Variants in SERPINB7 observed in about 807,000 individuals in gnomAD.
The protein encoded by SERPINB7 is serpin family B member 7, also known as serpin B7.
SERPINB7 carries 31 observed loss-of-function variants against 37.4 expected under a neutral mutation model. The observed-to-expected ratio is 0.83, with a 90% CI of 0.62 to 1.12. The LOEUF is 1.12. Among genes scored for constraint, SERPINB7 ranks in the 50% most tolerant of loss-of-function variants. The pLI, the probability that SERPINB7 is intolerant of heterozygous loss-of-function variation, is 0.00. For missense variants in SERPINB7, 521 were observed against 455.3 expected (o/e 1.14, Z -1.31); for synonymous variants, 163 against 166.1 (o/e 0.98, Z 0.14).
In SERPINB7 at chr18:63,792,391, A is replaced by G. The variant is rs2049438110; in HGVS notation, c.169-2A>G. 4.4e-6 allele frequency: 7 copies of G among 1,596,698 alleles called. No homozygotes were observed. The highest frequency in any genetic ancestry group is 6.0e-6 in the Non-Finnish European group (7 of 1,164,388). On this transcript the variant is annotated splice_acceptor_variant, in intron 2 of 7. Coordinates refer to ENST00000398019, the MANE Select transcript of SERPINB7 (RefSeq NM_003784.4). LOFTEE classifies it high-confidence loss of function. ...ATTGCTTTCCTTGTGCCCTGTTTACAGTTGCTTCATGTTAACACTGCCTCA... is the reference window on the plus strand; with the variant it reads ...ATTGCTTTCCTTGTGCCCTGTTTACGGTTGCTTCATGTTAACACTGCCTCA...
intron 1 of SERPINB7, among the ~76,000 whole-genome samples, chr18:63,781,009 T>A (rs980639598): frequency 2.0e-4 from 30 of 152,234 alleles, no homozygotes; most frequent in African/African-American, 5.3e-4. Flanking sequence ...AGTTTTTTTT[T>A]AATTTTTTAA....
intron 1 of SERPINB7, among the ~76,000 whole-genome samples, chr18:63,759,548 C>T (rs1056827822): frequency 1.3e-5 from 2 of 151,938 alleles, no homozygotes; most frequent in African/African-American, 2.4e-5. Context: ...TGTTTTCTCC[C>T]TCTCTGCCTT....
At chr18:63,801,160 G>T in intron 7 of SERPINB7, 148 bp downstream of exon 7, 1 of 765,316 alleles carries the variant, frequency 1.3e-6, no homozygotes, top group Non-Finnish European at 2.1e-6. Flanking sequence ...ATATTTAAGG[G>T]GTACCTAGTA....
intron 1 of SERPINB7, among the ~76,000 whole-genome samples, chr18:63,758,156 C>A (rs1240376148): frequency 6.6e-6 from 1 of 152,100 alleles, no homozygotes; most frequent in African/African-American, 2.4e-5. Flanking sequence ...ATTGTCATTG[C>A]CAACTTTGGC....
chr18:63,794,727 A>G (rs1321016285), intron 4 of SERPINB7, among the ~76,000 whole-genome samples: 1 of 152,104 alleles, frequency 6.6e-6, no homozygotes. Context: ...AACAAAAAAA[A>G]AATACTCTTT....
chr18:63,785,928 G>GTATATATACACATATATAATATACT (rs1568209202), intron 2 of SERPINB7, among the ~76,000 whole-genome samples: 1 of 111,044 alleles, frequency 9.0e-6, no homozygotes. Context: ...TATAATATAC[G>GTATATATACACATATATAATATACT]TATATATACA....
chr18:63,781,451 C>G (rs1354712782), intron 1 of SERPINB7, among the ~76,000 whole-genome samples: 2 of 152,230 alleles, frequency 1.3e-5, no homozygotes, highest in Non-Finnish European at 2.9e-5. Flanking sequence ...ACCTGCCACA[C>G]CATCAGATGT....
At chr18:63,759,733 C>T (rs1037504693) in intron 1 of SERPINB7, among the ~76,000 whole-genome samples, 2 of 152,138 alleles carry the variant, frequency 1.3e-5, no homozygotes, top group East Asian at 1.9e-4. Flanking sequence ...TGGTCTTTCC[C>T]ATGCTATTCT....
At chr18:63,768,023 T>C (rs1395950303) in intron 1 of SERPINB7, among the ~76,000 whole-genome samples, 2 of 152,080 alleles carry the variant, frequency 1.3e-5, no homozygotes, top group Non-Finnish European at 2.9e-5. Flanking sequence ...GAAGGTCTCT[T>C]CCCTTCCTGA....
At chr18:63,764,644 T>C (rs2144588884) in intron 1 of SERPINB7, among the ~76,000 whole-genome samples, 1 of 142,882 alleles carries the variant, frequency 7.0e-6, no homozygotes, top group African/African-American at 2.5e-5. Context: ...TAAACAATTT[T>C]AATTGGCAAA....
In SERPINB7 at chr18:63,798,644, A is replaced by G. The variant is rs975849922; in HGVS notation, c.495A>G (p.Ser165=). 1 of 1,604,510 alleles carries G rather than the reference A, an allele frequency of 6.2e-7. No homozygotes were observed. The highest frequency in any genetic ancestry group is 1.3e-5 in the African/African-American group (1 of 74,540). The change falls in exon 6 of 8, where the codon TCA becomes TCG. Residue 165 remains serine, a synonymous_variant. Transcript: ENST00000398019. ...TGATTGGTGAAGGTGGCATAAGCTC[A>G]TCTGCTGTAATGGTGCTGGTGAATG... is the stretch of plus-strand genomic sequence containing the variant. ...KNVIGEGGIS[S]SAVMVLVNAV...
At position 63,798,586 on chromosome 18, in the gene SERPINB7, CA is replaced by C; in HGVS notation, c.455-16del. On this transcript the variant is annotated splice_polypyrimidine_tract_variant and intron_variant, in intron 5 of 7. Transcript: ENST00000398019. ...TATATTAAAATAAACATTTTTCCCT[CA>C]ATTTTTTTTTCAAAAGGCAAAATCA... 6.6e-7 allele frequency: 1 copy of C among 1,511,878 alleles called. No individual in the cohort carries two copies. Among genetic ancestry groups the C allele is most frequent in the Non-Finnish European group, 8.8e-7 (1 of 1,137,266 alleles). The allele number at this position is 1,511,878 out of a possible 1,614,324, so 93.7% of individuals were successfully genotyped here.
intron 1 of SERPINB7, among the ~76,000 whole-genome samples, chr18:63,779,020 A>T (rs1300824805): frequency 6.6e-6 from 1 of 152,198 alleles, no homozygotes; most frequent in African/African-American, 2.4e-5. Flanking sequence ...TTATGATTTG[A>T]AAAGAACTTT....
Position 63,800,974 on chromosome 18 carries a change from A to T in SERPINB7, c.706A>T (p.Asn236Tyr). Residue 236 changes from asparagine (N) to tyrosine (Y), a missense_variant, in exon 7 of 8, where the codon AAC becomes TAC. By Grantham distance (143) the Asn-to-Tyr change is moderately radical. Transcript: ENST00000398019. ...ILELRYNGGI[N>Y]MYVLLPENDL... ...TGAGCTCAGATACAATGGTGGCATA[A>T]ACATGTACGTTCTGCTGCCTGAGAA... is the stretch of plus-strand genomic sequence containing the variant. 1.1e-5 allele frequency: 18 copies of T among 1,613,968 alleles called. No homozygotes were observed. The highest frequency in any genetic ancestry group is 1.5e-5 in the Non-Finnish European group (18 of 1,179,852).
intron 7 of SERPINB7, among the ~76,000 whole-genome samples, chr18:63,802,643 A>G (rs2049562301): frequency 6.6e-6 from 1 of 152,212 alleles, no homozygotes; most frequent in African/African-American, 2.4e-5. Context: ...CTGAAAAGTT[A>G]CATACACTTA....
intron 1 of SERPINB7, among the ~76,000 whole-genome samples, chr18:63,757,670 G>A (rs2049129586): frequency 6.6e-6 from 1 of 152,226 alleles, no homozygotes; most frequent in African/African-American, 2.4e-5. Flanking sequence ...ATGAATGCAT[G>A]GCCCACAAAG....
upstream of SERPINB7, among the ~76,000 whole-genome samples, chr18:63,770,805 T>C (rs2049205836): frequency 6.6e-6 from 1 of 152,040 alleles, no homozygotes; most frequent in Non-Finnish European, 1.5e-5. Flanking sequence ...TAGATTCATA[T>C]TTAACATAAT....
At chr18:63,784,889 A>G (rs1027762864) in intron 2 of SERPINB7, among the ~76,000 whole-genome samples, 1 of 152,194 alleles carries the variant, frequency 6.6e-6, no homozygotes, top group Admixed American at 6.5e-5. Context: ...TGTCAGGAGC[A>G]ATCTTTCAGC....
At chr18:63,791,177 A>T (rs866908890) in intron 2 of SERPINB7, among the ~76,000 whole-genome samples, 1 of 152,172 alleles carries the variant, frequency 6.6e-6, no homozygotes, top group Non-Finnish European at 1.5e-5. Context: ...CATTAGGAGA[A>T]ATACCTAATG....
Sources: gnomAD v4.1 joint callset for allele counts (sites outside exome capture counted in the v4.1 genomes callset) on GRCh38, gnomAD v4.1.1 for gene constraint, MANE v1.5 for transcripts, NCBI Gene and HGNC (gene_info 2026-07-23, HGNC 2026-07-21) for gene names.